CCDC171: variants seen among roughly 807,000 people sequenced by gnomAD.
CCDC171 encodes the protein coiled-coil domain containing 171, also known as coiled-coil domain-containing protein 171.
In CCDC171, 177 loss-of-function variants were observed where a neutral mutation model predicts 168.2. That is an observed-to-expected ratio of 1.05 (90% confidence interval 0.93 to 1.19). The LOEUF (loss-of-function observed/expected upper bound fraction) is 1.19, where lower values mean the gene tolerates loss of function less well. Among genes scored for constraint, CCDC171 ranks in the 50% most tolerant of loss-of-function variants. The probability of loss-of-function intolerance (pLI) is 0.00; values close to 1 mark genes in which losing one functional copy is unlikely to be tolerated. For missense variants in CCDC171, 1,991 were observed against 1,539.0 expected (o/e 1.29, Z -4.91); for synonymous variants, 687 against 540.8 (o/e 1.27, Z -3.75).
intron 7 of CCDC171, among the ~76,000 whole-genome samples, chr9:15,631,724 G>A (rs1212075962): frequency 1.3e-5 from 2 of 152,116 alleles, no homozygotes; most frequent in African/African-American, 4.8e-5. Flanking sequence ...CCAAAAAAGA[G>A]AATTTTAGAC....
Position 15,874,603 on chromosome 9 carries a change from G to A in CCDC171, c.3540G>A (p.Leu1180=). The A allele has an allele frequency of 1.2e-6, 2 of 1,606,770 alleles. No individual in the cohort carries two copies. Among genetic ancestry groups the A allele is most frequent in the Non-Finnish European group, 1.7e-6 (2 of 1,176,694 alleles). The change falls in exon 24 of 26, where the codon CTG becomes CTA. Residue 1180 remains leucine (L), a synonymous_variant. Coordinates refer to ENST00000380701, the MANE Select transcript of CCDC171 (RefSeq NM_173550.4). ...RNDFTLQLPK[L]HLETFAMEGL... Reference sequence around the variant, plus strand: ...ACTTCACCCTACAGCTACCCAAACTGCACCTGGAGACCTTTGCAATGGAGG... The same window carrying A: ...ACTTCACCCTACAGCTACCCAAACTACACCTGGAGACCTTTGCAATGGAGG...
intron 7 of CCDC171, among the ~76,000 whole-genome samples, chr9:15,629,891 A>T (rs13297218): frequency 1.3e-5 from 2 of 152,142 alleles, no homozygotes; most frequent in South Asian, 2.1e-4. Context: ...TTAAAGAAAA[A>T]AATTTTCAAC....
chr9:15,653,897 G>T (rs1231275225), intron 7 of CCDC171, among the ~76,000 whole-genome samples: 2 of 152,138 alleles, frequency 1.3e-5, no homozygotes, highest in Admixed American at 1.3e-4. Flanking sequence ...GGGCCACTGT[G>T]CCTGGCCCAA....
intron 18 of CCDC171, among the ~76,000 whole-genome samples, chr9:15,776,883 G>A (rs1014777132): frequency 5.3e-5 from 8 of 152,302 alleles, no homozygotes; most frequent in African/African-American, 1.9e-4. Flanking sequence ...TAATCTTTCT[G>A]TGCTTGTCAT....
intron 2 of CCDC171, among the ~76,000 whole-genome samples, chr9:15,571,246 T>G (rs1343146867): frequency 6.6e-6 from 1 of 152,214 alleles, no homozygotes; most frequent in African/African-American, 2.4e-5. Context: ...GTCTGACATT[T>G]TTCTTTTTGT....
intron 7 of CCDC171, among the ~76,000 whole-genome samples, chr9:15,651,939 G>C (rs986520645): frequency 6.6e-6 from 1 of 152,008 alleles, no homozygotes; most frequent in African/African-American, 2.4e-5. Context: ...ACAGGGTCTT[G>C]CTGTATTGCT....
intron 3 of CCDC171, among the ~76,000 whole-genome samples, chr9:15,993,022 A>T (rs1332518448): frequency 6.6e-6 from 1 of 152,238 alleles, no homozygotes; most frequent in Non-Finnish European, 1.5e-5. Context: ...ATACTTCCCA[A>T]GGTAATTTAT....
chr9:15,630,402 A>G (rs1315036356), intron 7 of CCDC171, among the ~76,000 whole-genome samples: 1 of 152,172 alleles, frequency 6.6e-6, no homozygotes, highest in Non-Finnish European at 1.5e-5. Flanking sequence ...CAGACTTTAA[A>G]CCAACAAAGA....
chr9:15,650,425 G>A (rs993165369), intron 7 of CCDC171, among the ~76,000 whole-genome samples: 5 of 151,864 alleles, frequency 3.3e-5, no homozygotes, highest in Non-Finnish European at 7.4e-5. Context: ...ATAAATTATA[G>A]CCATGTAGTG....
At chr9:15,696,562 A>C (rs1375727141) in intron 11 of CCDC171, among the ~76,000 whole-genome samples, 3 of 152,174 alleles carry the variant, frequency 2.0e-5, no homozygotes, top group African/African-American at 7.2e-5. Context: ...TTTCCTTTGC[A>C]CTGGTACTTT....
chr9:15,599,770 C>G (rs550738848), intron 6 of CCDC171, among the ~76,000 whole-genome samples: 1 of 152,296 alleles, frequency 6.6e-6, no homozygotes, highest in South Asian at 2.1e-4. Context: ...TTCTGCCCGT[C>G]ACTTTCAGGT....
Position 15,920,426 on chromosome 9 carries a change from A to G in CCDC171, c.3753+4A>G, listed in dbSNP as rs1014517332. 6.3e-7 allele frequency: 1 copy of G among 1,584,898 alleles called. No individual in the cohort carries two copies. Among genetic ancestry groups the G allele is most frequent in the African/African-American group, 1.4e-5 (1 of 73,932 alleles). ...TGAAAATGCAAGTTTACAATCAGTA[A>G]GTCCTTGTCTAACAATATTTTTATA... On this transcript the variant is annotated splice_donor_region_variant and intron_variant, in intron 25 of 25. Transcript: ENST00000380701.
chr9:15,808,992 G>T (rs777264181), intron 21 of CCDC171, among the ~76,000 whole-genome samples: 2 of 152,150 alleles, frequency 1.3e-5, no homozygotes, highest in Non-Finnish European at 2.9e-5. Flanking sequence ...CGGCAAGGCA[G>T]CTCTAGGGAG....
chr9:15,808,305 G>T (rs1334381957), intron 21 of CCDC171, among the ~76,000 whole-genome samples: 1 of 152,180 alleles, frequency 6.6e-6, no homozygotes, highest in African/African-American at 2.4e-5. Context: ...AGAATTTACG[G>T]TAATACTAAT....
intron 7 of CCDC171, among the ~76,000 whole-genome samples, chr9:15,641,369 T>G (rs1248536832): frequency 6.6e-6 from 1 of 152,184 alleles, no homozygotes; most frequent in Non-Finnish European, 1.5e-5. Flanking sequence ...TTGTTTTAAG[T>G]TCAAATCCTC....
At chr9:15,950,768 T>G (rs1251305748) in intron 25 of CCDC171, among the ~76,000 whole-genome samples, 6 of 151,098 alleles carry the variant, frequency 4.0e-5, no homozygotes, top group Admixed American at 6.6e-5. Context: ...AATTCACACA[T>G]AACAATATTA....
intron 9 of CCDC171, among the ~76,000 whole-genome samples, chr9:15,669,077 C>A (rs1393316908): frequency 6.6e-6 from 1 of 152,102 alleles, no homozygotes; most frequent in Non-Finnish European, 1.5e-5. Flanking sequence ...GCTTCTGTTT[C>A]TTGCCAGGCA....
At chr9:15,952,015 T>C (rs1249760260) in intron 25 of CCDC171, among the ~76,000 whole-genome samples, 1 of 152,190 alleles carries the variant, frequency 6.6e-6, no homozygotes, top group Non-Finnish European at 1.5e-5. Context: ...ATTAGGTCCT[T>C]GATCCATTTT....
At chr9:16,089,735 C>G in the CCDC171 span, among the ~76,000 whole-genome samples, 1 of 148,560 alleles carries the variant, frequency 6.7e-6, no homozygotes, top group Non-Finnish European at 1.5e-5. Flanking sequence ...AACAAATTTA[C>G]AAGAAAAAAA....
Sources: gnomAD v4.1 joint callset for allele counts (sites outside exome capture counted in the v4.1 genomes callset) on GRCh38, gnomAD v4.1.1 for gene constraint, MANE v1.5 for transcripts, NCBI Gene and HGNC (gene_info 2026-07-23, HGNC 2026-07-21) for gene names.